TTC39B: variants seen among roughly 807,000 people sequenced by gnomAD.
The protein encoded by TTC39B is tetratricopeptide repeat protein 39B.
A neutral mutation model predicts 96.6 loss-of-function variants in TTC39B; 92 were observed. The ratio of observed to expected loss-of-function variants is 0.95; its 90% CI spans 0.80 to 1.13. The LOEUF (loss-of-function observed/expected upper bound fraction) is 1.13. TTC39B is among the 50% of genes most tolerant of loss of function. The pLI is 0.00. For synonymous variants in TTC39B, 367 were observed against 299.4 expected, an observed-to-expected ratio of 1.23 and a Z score of -2.33; for missense variants, 955 against 809.3, an observed-to-expected ratio of 1.18 and a Z score of -2.18.
chr9:15,216,628 C>T (rs946127313), intron 3 of TTC39B, among the ~76,000 whole-genome samples: 5 of 152,164 alleles, frequency 3.3e-5, no homozygotes, highest in Admixed American at 6.5e-5. Context: ...TCATCTCTAC[C>T]GTCCAGTCCA....
At chr9:15,235,509 T>C (rs1396160183) in intron 2 of TTC39B, among the ~76,000 whole-genome samples, 1 of 152,084 alleles carries the variant, frequency 6.6e-6, no homozygotes, top group Non-Finnish European at 1.5e-5. Context: ...AGGCATATAG[T>C]CATCAGACTA....
intron 8 of TTC39B, 57 bp downstream of exon 8, chr9:15,199,804 A>G: frequency 1.2e-6 from 1 of 807,992 alleles, no homozygotes; most frequent in East Asian, 2.9e-5. Flanking sequence ...ACTGTGAAGA[A>G]CAAAGGAGTA....
chr9:15,305,186 C>A (rs1257581782), intron 1 of TTC39B, among the ~76,000 whole-genome samples: 1 of 152,198 alleles, frequency 6.6e-6, no homozygotes, highest in Non-Finnish European at 1.5e-5. Context: ...GGTATCCAGT[C>A]TACAACACAC....
At position 15,205,214 on chromosome 9, in the gene TTC39B, G is replaced by T. The variant is rs75270955; in HGVS notation, c.692-1324C>A. On this transcript the variant is annotated intron_variant, in intron 6 of 19. Transcript: ENST00000512701. ...TAAGCACTGGATCAGTGCTAACTAC[G>T]TGCACTGAGATTACTGCCCATGATC... Among the ~76,000 whole-genome samples the T allele has an allele frequency of 2.6e-5, 4 of 152,194 alleles. No homozygotes were observed. In the East Asian group the frequency reaches 7.7e-4, roughly 29 times the overall value.
rs553135627 is a variant in TTC39B, at chr9:15,245,938, C to G, written c.276-19926G>C. Among the ~76,000 whole-genome samples, 125 of 152,174 alleles carry G rather than the reference C, an allele frequency of 8.2e-4. 1 individual carries two copies. The highest frequency in any genetic ancestry group is 1.5e-3 in the Non-Finnish European group (105 of 68,030). On this transcript the variant is annotated intron_variant, in intron 2 of 19. Transcript: ENST00000512701. ...GTCAGAGAACTTGGGTAGAATGGCA[C>G]TGTTAAGTCATTTCTTACCCAAATA...
intron 2 of TTC39B, among the ~76,000 whole-genome samples, chr9:15,245,450 G>C (rs944717454): frequency 6.6e-6 from 1 of 152,132 alleles, no homozygotes; most frequent in Non-Finnish European, 1.5e-5. Context: ...TCAGCCTGTG[G>C]TATCAAGCAG....
chr9:15,195,414 T>C lies in TTC39B; in HGVS notation c.825-2719A>G, dbSNP rs199680929. ...AGCCGGGCACGGTGGCTCACACCTGTAATCTTAGCACTTTGGGTGGCCAAG... is the reference window on the plus strand; with the variant it reads ...AGCCGGGCACGGTGGCTCACACCTGCAATCTTAGCACTTTGGGTGGCCAAG... On this transcript the variant is annotated intron_variant, in intron 8 of 19. Transcript: ENST00000512701. Among the ~76,000 whole-genome samples, 5 of 152,146 alleles carry C rather than the reference T, an allele frequency of 3.3e-5. No homozygotes were observed. The East Asian group carries it at 9.6e-4, about 29-fold the overall frequency.
chr9:15,254,870 C>T (rs62539789), intron 2 of TTC39B, among the ~76,000 whole-genome samples: 3 of 127,052 alleles, frequency 2.4e-5, no homozygotes, highest in African/African-American at 4.4e-5. Context: ...CAAACACACA[C>T]ACTTTTTTTT....
intron 1 of TTC39B, among the ~76,000 whole-genome samples, chr9:15,272,738 C>G (rs1335195853): frequency 6.6e-6 from 1 of 152,212 alleles, no homozygotes; most frequent in African/African-American, 2.4e-5. Flanking sequence ...CAGCACAGTA[C>G]TCTGTACTTC....
At chr9:15,303,422 G>A (rs887369138) in intron 1 of TTC39B, among the ~76,000 whole-genome samples, 6 of 149,708 alleles carry the variant, frequency 4.0e-5, no homozygotes, top group African/African-American at 1.5e-4. Context: ...CCAGGCTGGA[G>A]TGCAGTGGCA....
At chr9:15,177,294 C>T (rs773861810) in intron 18 of TTC39B, among the ~76,000 whole-genome samples, 1 of 151,848 alleles carries the variant, frequency 6.6e-6, no homozygotes, top group African/African-American at 2.4e-5. Flanking sequence ...GATTGTACTA[C>T]TTGCACTCCA....
In TTC39B at chr9:15,192,589, C is replaced by A; in HGVS notation, c.930+1G>T. ...TGGTTTCTATACAGTGATTTCCTTA[C>A]CAAATTAAAGGCCCCACTGCCAAGC... is the stretch of plus-strand genomic sequence containing the variant. On this transcript the variant is annotated splice_donor_variant, in intron 9 of 19. Coordinates refer to ENST00000512701, the Ensembl canonical transcript of TTC39B. LOFTEE classifies it high-confidence loss of function. 6.8e-6 allele frequency: 11 copies of A among 1,611,864 alleles called. No individual in the cohort carries two copies. The highest frequency in any genetic ancestry group is 8.5e-6 in the Non-Finnish European group (10 of 1,178,222).
At chr9:15,188,182 TA>T (rs765034092) in intron 13 of TTC39B, 50 bp from the exon 14 acceptor site, 1 of 1,508,508 alleles carries the variant, frequency 6.6e-7, no homozygotes, top group East Asian at 2.3e-5. Flanking sequence ...GACAAGGAGA[TA>T]ATAACCTAAT....
At chr9:15,178,660 T>C (rs950339085) in intron 17 of TTC39B, among the ~76,000 whole-genome samples, 21 of 152,220 alleles carry the variant, frequency 1.4e-4, no homozygotes, top group Non-Finnish European at 2.6e-4. Context: ...CTTTAAAATA[T>C]TCTTCAGGTG....
intron 1 of TTC39B, among the ~76,000 whole-genome samples, chr9:15,270,532 G>A (rs1161636487): frequency 6.6e-6 from 1 of 151,592 alleles, no homozygotes; most frequent in Non-Finnish European, 1.5e-5. Context: ...AGGATAACTT[G>A]GGAAGCCAAC....
At chr9:15,268,084 C>G (rs768934793) in intron 1 of TTC39B, 136 bp from the exon 2 acceptor site, 5 of 629,170 alleles carry the variant, frequency 7.9e-6, no homozygotes, top group Admixed American at 3.0e-5. Context: ...TAGAATCAAT[C>G]AACTTAACGC....
At chr9:15,218,936 C>G (rs1222006815) in intron 3 of TTC39B, among the ~76,000 whole-genome samples, 1 of 152,114 alleles carries the variant, frequency 6.6e-6, no homozygotes, top group Non-Finnish European at 1.5e-5. Flanking sequence ...GAGGTTTTGT[C>G]TCTTTCCTCT....
At chr9:15,280,566 TATCAGCTCC>T (rs1485861366) in intron 1 of TTC39B, among the ~76,000 whole-genome samples, 2 of 152,162 alleles carry the variant, frequency 1.3e-5, no homozygotes, top group African/African-American at 4.8e-5. Context: ...AGAGTCCCGC[TATCAGCTCC>T]ATCACTTACC....
intron 4 of TTC39B, 142 bp downstream of exon 4, chr9:15,213,997 G>A (rs1820353641): frequency 1.9e-6 from 1 of 523,808 alleles, no homozygotes; most frequent in East Asian, 3.1e-5. Flanking sequence ...AATTTTAAAA[G>A]TGACCAAAGT....
Sources: gnomAD v4.1 joint callset for allele counts (sites outside exome capture counted in the v4.1 genomes callset) on GRCh38, gnomAD v4.1.1 for gene constraint, MANE v1.5 for transcripts, NCBI Gene and HGNC (gene_info 2026-07-23, HGNC 2026-07-21) for gene names.